TSPAN14: variants seen among roughly 807,000 people sequenced by gnomAD.
The protein encoded by TSPAN14 is tetraspanin-14.
Under a neutral mutation model 36.6 loss-of-function variants are expected in TSPAN14, and 16 were observed. The observed-to-expected ratio is 0.44, with a 90% CI of 0.30 to 0.66. The LOEUF is 0.66. TSPAN14 is among the 30% of genes least tolerant of loss of function. The pLI is 0.12. For missense variants in TSPAN14, 231 were observed against 355.1 expected (o/e 0.65, Z 2.81); for synonymous variants, 139 against 143.8 (o/e 0.97, Z 0.24).
chr10:80,512,357 C>G, intron 6 of TSPAN14, 88 bp downstream of exon 6: 1 of 1,541,732 alleles, frequency 6.5e-7, no homozygotes, highest in South Asian at 1.2e-5. Context: ...TAGGATACTT[C>G]TCTGTCATGG....
intron 2 of TSPAN14, among the ~76,000 whole-genome samples, chr10:80,498,710 CG>C (rs1848334680): frequency 6.6e-6 from 1 of 152,148 alleles, no homozygotes; most frequent in African/African-American, 2.4e-5. Flanking sequence ...GTCTGCCGTG[CG>C]GGAGGGCATG....
intron 1 of TSPAN14, among the ~76,000 whole-genome samples, chr10:80,471,469 G>C (rs948752761): frequency 6.6e-6 from 1 of 152,016 alleles, no homozygotes; most frequent in Non-Finnish European, 1.5e-5. Flanking sequence ...GACTCTCCAC[G>C]TTTGTTTGCA....
At chr10:80,518,311 C>T (rs1841058670) in exon 9 of TSPAN14, 4 of 373,538 alleles carry the variant, frequency 1.1e-5, no homozygotes, top group Non-Finnish European at 2.0e-5. Context: ...TCAAGCATGT[C>T]TGCAGGACAC....
intron 1 of TSPAN14, among the ~76,000 whole-genome samples, chr10:80,482,387 A>C (rs1847327068): frequency 6.6e-6 from 1 of 151,238 alleles, no homozygotes; most frequent in African/African-American, 2.5e-5. Flanking sequence ...CCCAGGTTCA[A>C]GCAATTCTCC....
chr10:80,515,773 G>A (rs1840906641), intron 7 of TSPAN14: 1 of 166,992 alleles, frequency 6.0e-6, no homozygotes, highest in Non-Finnish European at 1.3e-5. Context: ...TCCTGGAGCT[G>A]AGCTTACTGG....
rs541568572 is a variant in TSPAN14 at position 80,465,449 on chromosome 10, A to C, written c.-18+11078A>C. 8.5e-5 allele frequency among the ~76,000 whole-genome samples: 13 copies of C among 152,322 alleles called. No individual in the cohort carries two copies. The South Asian group carries it at 2.1e-3, about 24-fold the overall frequency. ...TGGCAGTGGGCAGCAGGCAGCCAGC[A>C]CACAGCGCTGGTGGGGTGGAAACCC... On this transcript the variant is annotated intron_variant, in intron 1 of 8. Transcript: ENST00000429989.
chr10:80,504,784 T>C lies in TSPAN14; in HGVS notation c.132+6T>C. On this transcript the variant is annotated splice_donor_region_variant and intron_variant, in intron 3 of 8. Coordinates refer to ENST00000429989, the Ensembl canonical transcript of TSPAN14. Reference sequence around the variant, plus strand: ...TGTGGGCATGGAGCGAAAAGGTAGGTGTAACTGTCGCAGGACACTGAGCTT... The same window carrying C: ...TGTGGGCATGGAGCGAAAAGGTAGGCGTAACTGTCGCAGGACACTGAGCTT... 6.2e-7 allele frequency: 1 copy of C among 1,614,120 alleles called. No homozygotes were observed. The highest frequency in any genetic ancestry group is 8.5e-7 in the Non-Finnish European group (1 of 1,179,994).
At chr10:80,454,998 T>A (rs1265653952) in intron 1 of TSPAN14, among the ~76,000 whole-genome samples, 2 of 152,066 alleles carry the variant, frequency 1.3e-5, no homozygotes, top group African/African-American at 2.4e-5. Context: ...CTTCTCCGCG[T>A]TAGTCGTGTG....
At chr10:80,486,447 A>G (rs1847604608) in intron 1 of TSPAN14, among the ~76,000 whole-genome samples, 1 of 152,250 alleles carries the variant, frequency 6.6e-6, no homozygotes, top group South Asian at 2.1e-4. Context: ...TGGAAAGCAC[A>G]CAGACACGTT....
At chr10:80,488,327 G>A (rs1455505071) in intron 1 of TSPAN14, among the ~76,000 whole-genome samples, 2 of 152,220 alleles carry the variant, frequency 1.3e-5, no homozygotes, top group Admixed American at 1.3e-4. Flanking sequence ...GGTAGGCCAG[G>A]CCCTCAGAAA....
intron 1 of TSPAN14, among the ~76,000 whole-genome samples, chr10:80,462,089 A>AT (rs202223011): frequency 0.034 from 5,168 of 151,926 alleles, 95 homozygotes; most frequent in Middle Eastern, 0.078. Flanking sequence ...AATTTAAAGA[A>AT]TTTTTTGTAG....
chr10:80,474,135 C>T (rs551716795), intron 1 of TSPAN14, among the ~76,000 whole-genome samples: 10 of 152,106 alleles, frequency 6.6e-5, no homozygotes, highest in East Asian at 5.8e-4. Context: ...GCAGAAACTC[C>T]GCCTTCCTTG....
chr10:80,507,419 A>G (rs1840359991), intron 4 of TSPAN14, 45 bp downstream of exon 4: 2 of 1,613,146 alleles, frequency 1.2e-6, no homozygotes, highest in Admixed American at 1.7e-5. Context: ...GCAATGGGGT[A>G]CAGGCTCTGC....
chr10:80,488,950 C>T (rs971164991), intron 1 of TSPAN14, among the ~76,000 whole-genome samples: 3 of 152,130 alleles, frequency 2.0e-5, no homozygotes, highest in Admixed American at 1.3e-4. Flanking sequence ...GGCTCCAAGC[C>T]GAATTTCTGG....
intron 1 of TSPAN14, among the ~76,000 whole-genome samples, chr10:80,459,151 G>A (rs371030014): frequency 1.2e-4 from 19 of 152,182 alleles, no homozygotes; most frequent in Non-Finnish European, 8.8e-5. Flanking sequence ...CATCTCTGGC[G>A]GCACTCAGCA....
chr10:80,489,021 T>C (rs1401997400), intron 1 of TSPAN14, among the ~76,000 whole-genome samples, 196 bp from the exon 2 acceptor site: 1 of 152,172 alleles, frequency 6.6e-6, no homozygotes, highest in Non-Finnish European at 1.5e-5. Flanking sequence ...TATCCTTTCG[T>C]TTGTCTTTTG....
chr10:80,470,770 G>T (rs1480732440), intron 1 of TSPAN14, among the ~76,000 whole-genome samples: 1 of 152,180 alleles, frequency 6.6e-6, no homozygotes, highest in Non-Finnish European at 1.5e-5. Context: ...TTCAGGAGTG[G>T]CTCCCACCCC....
At chr10:80,473,196 C>A (rs1396953278) in intron 1 of TSPAN14, among the ~76,000 whole-genome samples, 1 of 152,166 alleles carries the variant, frequency 6.6e-6, no homozygotes. Context: ...AGTGCTTCTC[C>A]CACTGAGGAC....
chr10:80,517,823 G>C (rs1268141971), intron 8 of TSPAN14, 82 bp from the exon 9 acceptor site: 2 of 1,371,650 alleles, frequency 1.5e-6, no homozygotes, highest in Non-Finnish European at 2.0e-6. Flanking sequence ...TGCAGTGGGA[G>C]CTCCCAACCC....
Sources: allele counts gnomAD v4.1 joint callset (sites outside exome capture counted in the v4.1 genomes callset), GRCh38; gene constraint gnomAD v4.1.1; transcripts MANE v1.5; gene names NCBI Gene and HGNC (gene_info 2026-07-23, HGNC 2026-07-21).